Variants in LRP1B observed in about 807,000 individuals in gnomAD.
LRP1B encodes low-density lipoprotein receptor-related protein 1B.
In LRP1B, 217 loss-of-function variants were observed where a neutral mutation model predicts 556.6. The ratio of observed to expected loss-of-function variants is 0.39; its 90% CI spans 0.35 to 0.44. The LOEUF (loss-of-function observed/expected upper bound fraction) is 0.44, where lower values mean the gene tolerates loss of function less well. Among genes scored for constraint, LRP1B ranks in the 20% least tolerant of loss-of-function variants. The probability of loss-of-function intolerance (pLI) is 1.00; values close to 1 mark genes in which losing one functional copy is unlikely to be tolerated. For missense variants in LRP1B, 5,053 were observed against 5,620.8 expected (o/e 0.90, Z 3.23); for synonymous variants, 2,047 against 1,865.8 (o/e 1.10, Z -2.50).
intron 59 of LRP1B, among the ~76,000 whole-genome samples, chr2:140,479,598 C>A (rs1043843038): frequency 3.9e-5 from 6 of 152,026 alleles, no homozygotes; most frequent in African/African-American, 1.4e-4. Context: ...TCTTTCTCAG[C>A]TTTTACTATT....
chr2:140,681,046 C>T lies in LRP1B; in HGVS notation c.6799+19204G>A, dbSNP rs189579671. 2.6e-5 allele frequency among the ~76,000 whole-genome samples: 4 copies of T among 152,176 alleles called. No individual in the cohort carries two copies. The East Asian group carries it at 7.7e-4, about 29-fold the overall frequency. On this transcript the variant is annotated intron_variant, in intron 41 of 90. Coordinates refer to ENST00000389484, the MANE Select transcript of LRP1B (RefSeq NM_018557.3). ...TATAAGTCACAGGAAAATGAAACTC[C>T]CTAAAAGTAGCTCTGTCAGCATTAT...
chr2:141,550,412 C>A (rs900387413), intron 2 of LRP1B, among the ~76,000 whole-genome samples: 6 of 151,996 alleles, frequency 3.9e-5, no homozygotes, highest in Admixed American at 2.6e-4. Context: ...AGAACTATTG[C>A]CATTTGTAAA....
intron 17 of LRP1B, among the ~76,000 whole-genome samples, chr2:140,984,707 T>C (rs1696866780): frequency 6.6e-6 from 1 of 152,068 alleles, no homozygotes; most frequent in South Asian, 2.1e-4. Flanking sequence ...GGAGGAACTG[T>C]TATGACCTAT....
At position 140,274,493 on chromosome 2, in the gene LRP1B, A is replaced by G. The variant is rs750808610; in HGVS notation, c.13073T>C (p.Val4358Ala). ...PTRYEGPKCE[V>A]DKCVRCHGGH... ...CCCATGGCACCTTACACACTTGTCA[A>G]CCTCACATTTTGGTCCTTCATAGCG... Residue 4358 changes from valine to alanine, a missense_variant, in exon 85 of 91, where the codon GTT (valine) becomes GCT (alanine). Physicochemically the swap from Val to Ala is moderately conservative, Grantham distance 64. Around this residue, in one of 5 missense-constraint regions of LRP1B, gnomAD observed 551 missense variants for 592.0 expected, o/e 0.93. Coordinates refer to ENST00000389484, the MANE Select transcript of LRP1B (RefSeq NM_018557.3). The G allele has an allele frequency of 1.9e-6, 3 of 1,612,754 alleles. No homozygotes were observed. In the South Asian group the frequency reaches 3.3e-5, roughly 18 times the overall value.
At chr2:140,384,860 T>C (rs1683688539) in intron 67 of LRP1B, among the ~76,000 whole-genome samples, 1 of 152,226 alleles carries the variant, frequency 6.6e-6, no homozygotes, top group Non-Finnish European at 1.5e-5. Context: ...AAGTACCAGA[T>C]ATAAATATTT....
intron 86 of LRP1B, among the ~76,000 whole-genome samples, chr2:140,264,321 C>T (rs1184591344): frequency 2.6e-5 from 4 of 152,110 alleles, no homozygotes; most frequent in South Asian, 2.1e-4. Context: ...CTCTGCCTCC[C>T]GGGTTCAAGT....
At chr2:141,256,837 A>T (rs373908) in intron 3 of LRP1B, among the ~76,000 whole-genome samples, 16 of 151,682 alleles carry the variant, frequency 1.1e-4, no homozygotes, top group Non-Finnish European at 1.9e-4. Flanking sequence ...GGAGATATCA[A>T]TTTGGAAGTC....
At chr2:141,951,578 A>T (rs1249776247) in intron 1 of LRP1B, among the ~76,000 whole-genome samples, 3 of 152,188 alleles carry the variant, frequency 2.0e-5, no homozygotes, top group Non-Finnish European at 4.4e-5. Context: ...TATAATATAT[A>T]AGAACTAAGG....
At chr2:141,605,161 G>A (rs886246683) in intron 2 of LRP1B, among the ~76,000 whole-genome samples, 1 of 151,998 alleles carries the variant, frequency 6.6e-6, no homozygotes, top group African/African-American at 2.4e-5. Flanking sequence ...GCAAACAAAA[G>A]AGGACTATGG....
At chr2:141,884,963 G>A (rs1699064544) in intron 1 of LRP1B, among the ~76,000 whole-genome samples, 1 of 152,146 alleles carries the variant, frequency 6.6e-6, no homozygotes. Flanking sequence ...GGCAGTTGAT[G>A]TATTTTACAA....
intron 3 of LRP1B, among the ~76,000 whole-genome samples, chr2:141,279,678 C>A (rs1685436809): frequency 6.6e-6 from 1 of 152,044 alleles, no homozygotes; most frequent in Non-Finnish European, 1.5e-5. Flanking sequence ...GAGCCTGGAA[C>A]AAGCTATCCT....
chr2:140,830,863 T>C (rs1691689923), intron 31 of LRP1B, among the ~76,000 whole-genome samples: 1 of 152,098 alleles, frequency 6.6e-6, no homozygotes, highest in Non-Finnish European at 1.5e-5. Context: ...AATTCAATAA[T>C]GTTGCCGGAT....
At chr2:142,121,790 C>T (rs1017152931) in intron 1 of LRP1B, among the ~76,000 whole-genome samples, 1 of 152,012 alleles carries the variant, frequency 6.6e-6, no homozygotes, top group African/African-American at 2.4e-5. Context: ...ATTCCAACCA[C>T]GTAAAATAGT....
chr2:141,805,269 T>G (rs1696134930), intron 2 of LRP1B: 1 of 152,116 alleles, frequency 6.6e-6, no homozygotes, highest in Non-Finnish European at 1.5e-5. Flanking sequence ...GATATGGGAC[T>G]GAGTAAGGAA....
At chr2:140,639,293 T>C (rs141897309) in intron 41 of LRP1B, among the ~76,000 whole-genome samples, 1 of 152,210 alleles carries the variant, frequency 6.6e-6, no homozygotes, top group African/African-American at 2.4e-5. Context: ...AAAAAACTAA[T>C]CATCTTTCAT....
At chr2:141,365,712 G>A (rs896899929) in intron 3 of LRP1B, among the ~76,000 whole-genome samples, 7 of 115,732 alleles carry the variant, frequency 6.0e-5, no homozygotes, top group Non-Finnish European at 1.2e-4. Context: ...GAGTGCAGTG[G>A]CCCAGGCTGG....
intron 6 of LRP1B, among the ~76,000 whole-genome samples, chr2:141,206,947 G>A (rs540487910): frequency 6.6e-6 from 1 of 152,266 alleles, no homozygotes; most frequent in South Asian, 2.1e-4. Context: ...ATAATGGCAT[G>A]GCTTCAGCAC....
At chr2:141,916,541 CTTTT>C (rs58336400) in intron 1 of LRP1B, among the ~76,000 whole-genome samples, 3,674 of 124,690 alleles carry the variant, frequency 0.029, 66 homozygotes, top group Middle Eastern at 0.052. Context: ...ATTTTTTGAA[CTTTT>C]TTTTTTTTTT....
intron 3 of LRP1B, among the ~76,000 whole-genome samples, chr2:141,421,394 T>C (rs1258472248): frequency 6.6e-6 from 1 of 150,854 alleles, no homozygotes; most frequent in East Asian, 2.0e-4. Context: ...CCGGGCGTAG[T>C]GGCGGGCGCC....
Sources: gnomAD v4.1 joint callset for allele counts (sites outside exome capture counted in the v4.1 genomes callset) on GRCh38, gnomAD v4.1.1 for gene constraint, gnomAD v4.1.1 regional missense constraint, MANE v1.5 for transcripts, NCBI Gene and HGNC (gene_info 2026-07-23, HGNC 2026-07-21) for gene names.